Variants in GRIN2B observed in about 807,000 individuals in gnomAD.
GRIN2B encodes the protein glutamate ionotropic receptor NMDA type subunit 2B.
In GRIN2B, 5 loss-of-function variants were observed where a neutral mutation model predicts 114.5. That is an observed-to-expected ratio of 0.04 (90% CI 0.02 to 0.09). The LOEUF (loss-of-function observed/expected upper bound fraction) is 0.09. GRIN2B is among the 10% of genes least tolerant of loss of function. GRIN2B has a pLI of 1.00. For missense variants in GRIN2B, 1,108 were observed against 1,943.5 expected (o/e 0.57, Z 8.08); for synonymous variants, 787 against 745.1 (o/e 1.06, Z -0.92).
chr12:13,857,813 G>C (rs1256873712), intron 3 of GRIN2B, among the ~76,000 whole-genome samples: 1 of 152,140 alleles, frequency 6.6e-6, no homozygotes, highest in Non-Finnish European at 1.5e-5. Context: ...CATTGTTTGG[G>C]CTCATGAAAT....
chr12:13,895,831 G>A (rs1866343559), intron 2 of GRIN2B, among the ~76,000 whole-genome samples: 1 of 152,100 alleles, frequency 6.6e-6, no homozygotes, highest in Non-Finnish European at 1.5e-5. Flanking sequence ...CTAACTTCAA[G>A]TTCTAATGAG....
intron 2 of GRIN2B, among the ~76,000 whole-genome samples, chr12:13,877,091 A>G (rs1273110349): frequency 6.6e-6 from 1 of 152,230 alleles, no homozygotes; most frequent in Non-Finnish European, 1.5e-5. Flanking sequence ...TTGCCTATGT[A>G]TCTGGATGTA....
chr12:13,889,107 A>G (rs1866214326), intron 2 of GRIN2B, among the ~76,000 whole-genome samples: 1 of 152,190 alleles, frequency 6.6e-6, no homozygotes, highest in Non-Finnish European at 1.5e-5. Flanking sequence ...TCTATTTTAA[A>G]AATTATTTGT....
chr12:13,922,292 T>G (rs891428203), intron 2 of GRIN2B, among the ~76,000 whole-genome samples: 3 of 152,296 alleles, frequency 2.0e-5, no homozygotes, highest in African/African-American at 7.2e-5. Flanking sequence ...GAGTGGCAGA[T>G]AGCAGGGTGC....
chr12:13,640,286 C>G (rs1457875645), intron 5 of GRIN2B, among the ~76,000 whole-genome samples: 2 of 152,078 alleles, frequency 1.3e-5, no homozygotes, highest in African/African-American at 4.8e-5. Context: ...TAGATATCAA[C>G]TATATTTATA....
intron 4 of GRIN2B, among the ~76,000 whole-genome samples, chr12:13,715,109 T>C (rs1416844124): frequency 2.6e-5 from 4 of 151,798 alleles, no homozygotes; most frequent in African/African-American, 9.7e-5. Flanking sequence ...GTTATGACGA[T>C]GATGTATGAA....
At chr12:13,727,780 A>G (rs942729224) in intron 4 of GRIN2B, among the ~76,000 whole-genome samples, 2 of 152,200 alleles carry the variant, frequency 1.3e-5, no homozygotes, top group South Asian at 2.1e-4. Flanking sequence ...AGTAAAAGCT[A>G]GGAAATGCAA....
At chr12:13,571,414 T>C (rs1295626413) in intron 11 of GRIN2B, among the ~76,000 whole-genome samples, 1 of 152,156 alleles carries the variant, frequency 6.6e-6, no homozygotes, top group African/African-American at 2.4e-5. Context: ...ATTTACACTT[T>C]CCCCCTTTTA....
chr12:13,655,419 A>G (rs1321131656), intron 5 of GRIN2B, among the ~76,000 whole-genome samples: 1 of 152,182 alleles, frequency 6.6e-6, no homozygotes, highest in African/African-American at 2.4e-5. Context: ...TGAGGCTTGA[A>G]TTTTACAGCG....
chr12:13,950,357 G>A (rs1438340697), intron 2 of GRIN2B, among the ~76,000 whole-genome samples: 1 of 152,142 alleles, frequency 6.6e-6, no homozygotes, highest in Non-Finnish European at 1.5e-5. Flanking sequence ...TCTGTAGTCA[G>A]ATTTACATGC....
intron 3 of GRIN2B, among the ~76,000 whole-genome samples, chr12:13,824,788 G>A (rs182704050): frequency 3.6e-4 from 54 of 149,534 alleles, no homozygotes; most frequent in African/African-American, 1.1e-3. Flanking sequence ...CCCGGGAGGC[G>A]GAGGTTGCAG....
chr12:13,683,783 T>A (rs1345160514), intron 4 of GRIN2B: 1 of 152,192 alleles, frequency 6.6e-6, no homozygotes, highest in Non-Finnish European at 1.5e-5. Context: ...GCTCTCAACA[T>A]ATATAAAGGA....
intron 3 of GRIN2B, among the ~76,000 whole-genome samples, chr12:13,864,900 A>G (rs1865802864): frequency 6.6e-6 from 1 of 152,212 alleles, no homozygotes; most frequent in South Asian, 2.1e-4. Flanking sequence ...CTCAGGCATC[A>G]GCAGTGTTGA....
intron 10 of GRIN2B, among the ~76,000 whole-genome samples, chr12:13,579,762 A>G (rs1044695301): frequency 2.6e-5 from 4 of 152,172 alleles, no homozygotes; most frequent in Admixed American, 2.6e-4. Context: ...TATGGGTGCT[A>G]CAGTCGGATA....
In GRIN2B at chr12:13,554,633, G is replaced by C. The variant is rs575940427; in HGVS notation, c.*8150C>G. On this transcript the variant is annotated 3_prime_UTR_variant, in exon 14 of 14. Coordinates refer to ENST00000609686, the MANE Select transcript of GRIN2B (RefSeq NM_000834.5). Reference sequence around the variant, plus strand: ...TTTCTTGATCTGAAGAATGACATCTGATTTATATGTAGGAAGTGAGTACTG... The same window carrying C: ...TTTCTTGATCTGAAGAATGACATCTCATTTATATGTAGGAAGTGAGTACTG... 1 of 152,270 alleles carries C rather than the reference G, an allele frequency of 6.6e-6. No individual in the cohort carries two copies. The highest frequency in any genetic ancestry group is 2.4e-5 in the African/African-American group (1 of 41,560). 9.4% of individuals were successfully genotyped at this position (152,270 alleles called of 1,614,324 possible). A position where few individuals can be genotyped will look rare whatever the true frequency, so the allele number is the denominator to read the frequency against.
intron 2 of GRIN2B, among the ~76,000 whole-genome samples, chr12:13,878,996 C>G (rs1219802230): frequency 6.6e-6 from 1 of 152,136 alleles, no homozygotes; most frequent in Non-Finnish European, 1.5e-5. Context: ...GAAGCCCTAA[C>G]TTTTTATTCT....
rs570357622 is a variant in GRIN2B, at chr12:13,978,440, G to A, written c.-19+1488C>T. 2.0e-5 allele frequency among the ~76,000 whole-genome samples: 3 copies of A among 152,286 alleles called. No homozygotes were observed. The East Asian group carries it at 5.8e-4, about 29-fold the overall frequency. ...AAAACTCAAAAGAATGAAACCTAGA[G>A]AAGGGGGATAGTGAATTTGGATTAC... On this transcript the variant is annotated intron_variant, in intron 2 of 13. Coordinates refer to ENST00000609686, the MANE Select transcript of GRIN2B (RefSeq NM_000834.5).
At chr12:13,869,508 C>G (rs1309505057) in intron 2 of GRIN2B, among the ~76,000 whole-genome samples, 1 of 152,038 alleles carries the variant, frequency 6.6e-6, no homozygotes, top group Non-Finnish European at 1.5e-5. Flanking sequence ...ATAGTTCAAC[C>G]TGCTGGGTAC....
chr12:13,922,874 G>A (rs1866846771), intron 2 of GRIN2B, among the ~76,000 whole-genome samples: 2 of 152,156 alleles, frequency 1.3e-5, no homozygotes, highest in South Asian at 4.1e-4. Flanking sequence ...AGTGACCTAT[G>A]CTGGGCCAAA....
Sources: allele counts gnomAD v4.1 joint callset (sites outside exome capture counted in the v4.1 genomes callset), GRCh38; gene constraint gnomAD v4.1.1; transcripts MANE v1.5; gene names NCBI Gene and HGNC (gene_info 2026-07-23, HGNC 2026-07-21).